ATP8A2: variants seen among roughly 807,000 people sequenced by gnomAD.
ATP8A2 encodes phospholipid-transporting ATPase IB.
In ATP8A2, 100 loss-of-function variants were observed where a neutral mutation model predicts 165.6. That is an observed-to-expected ratio of 0.60 (90% CI 0.51 to 0.71). The LOEUF (loss-of-function observed/expected upper bound fraction) is 0.71, where lower values mean the gene tolerates loss of function less well. Among genes scored for constraint, ATP8A2 ranks in the 30% least tolerant of loss-of-function variants. The pLI, the probability that ATP8A2 is intolerant of heterozygous loss-of-function variation, is 0.00. For synonymous variants in ATP8A2, 543 were observed against 548.8 expected (o/e 0.99, Z 0.15); for missense variants, 1,227 against 1,479.5 (o/e 0.83, Z 2.80).
chr13:25,831,508 C>T lies in ATP8A2; in HGVS notation c.2754+3316C>T, dbSNP rs115999005. On this transcript the variant is annotated intron_variant, in intron 28 of 36. Transcript: ENST00000381655. ...GATTACAGGCATGAGCCACCACACT[C>T]AGCCTCTCAAACTAATTTTCATAAC... 8.7e-3 allele frequency among the ~76,000 whole-genome samples: 1,327 copies of T among 152,270 alleles called. 16 individuals carry two copies. Among genetic ancestry groups the T allele is most frequent in the African/African-American group, 0.03 (1,248 of 41,564 alleles).
intron 24 of ATP8A2, among the ~76,000 whole-genome samples, chr13:25,598,087 T>C (rs1257004502): frequency 6.6e-6 from 1 of 152,170 alleles, no homozygotes; most frequent in East Asian, 1.9e-4. Context: ...TTATATCCCG[T>C]ATAGTTATCT....
intron 27 of ATP8A2, among the ~76,000 whole-genome samples, chr13:25,813,260 G>A (rs1370301097): frequency 6.6e-6 from 1 of 152,066 alleles, no homozygotes; most frequent in Non-Finnish European, 1.5e-5. Context: ...ACAGCTAAGA[G>A]TAGGAGAGCC....
intron 23 of ATP8A2, among the ~76,000 whole-genome samples, chr13:25,588,575 CT>C (rs752418184): frequency 2.4e-4 from 36 of 152,330 alleles, no homozygotes; most frequent in Non-Finnish European, 4.1e-4. Context: ...TGGCCAAGCC[CT>C]CCCTTGAGAT....
intron 27 of ATP8A2, among the ~76,000 whole-genome samples, chr13:25,812,461 T>C (rs1275380377): frequency 0.16 from 55 of 350 alleles, no homozygotes; most frequent in Non-Finnish European, 0.02. Flanking sequence ...TATGTATCAA[T>C]AGATTCTTAC....
intron 35 of ATP8A2, among the ~76,000 whole-genome samples, chr13:25,990,482 C>T (rs1956369146): frequency 6.6e-6 from 1 of 152,076 alleles, no homozygotes; most frequent in African/African-American, 2.4e-5. Flanking sequence ...ACGGGAAGAA[C>T]ATCCCAGGCC....
At chr13:25,541,065 A>G (rs2038461039) in intron 8 of ATP8A2, among the ~76,000 whole-genome samples, 1 of 151,954 alleles carries the variant, frequency 6.6e-6, no homozygotes, top group Admixed American at 6.6e-5. Flanking sequence ...GGGTTTCACC[A>G]TGTTGGCCAG....
At chr13:25,710,166 G>A (rs2043132250) in intron 25 of ATP8A2, among the ~76,000 whole-genome samples, 2 of 152,046 alleles carry the variant, frequency 1.3e-5, no homozygotes, top group Admixed American at 6.5e-5. Flanking sequence ...ACATATTTAT[G>A]GGATAAATGT....
intron 25 of ATP8A2, among the ~76,000 whole-genome samples, chr13:25,740,323 A>G (rs1392674031): frequency 1.3e-5 from 2 of 151,898 alleles, no homozygotes; most frequent in Non-Finnish European, 2.9e-5. Flanking sequence ...AAAAAAAAAA[A>G]AAAAAAGAGA....
chr13:25,887,245 T>A (rs1159078273), intron 33 of ATP8A2, among the ~76,000 whole-genome samples: 1 of 152,214 alleles, frequency 6.6e-6, no homozygotes, highest in East Asian at 1.9e-4. Flanking sequence ...ACACATGTGA[T>A]CTGTGCACTT....
chr13:25,924,434 A>G (rs970250026), intron 33 of ATP8A2, among the ~76,000 whole-genome samples: 1 of 152,168 alleles, frequency 6.6e-6, no homozygotes, highest in Non-Finnish European at 1.5e-5. Context: ...TTATAGAAGC[A>G]TCACCCTGAT....
chr13:25,898,118 T>G (rs922875870), intron 33 of ATP8A2, among the ~76,000 whole-genome samples: 1 of 152,204 alleles, frequency 6.6e-6, no homozygotes, highest in East Asian at 1.9e-4. Context: ...TTTTAGAGTT[T>G]CCAGTTTTTC....
rs1566360534 is a variant in ATP8A2, at chr13:26,021,292, A to T, written c.*1307A>T. 6.6e-6 allele frequency: 1 copy of T among 152,214 alleles called. No homozygotes were observed. The highest frequency in any genetic ancestry group is 1.5e-5 in the Non-Finnish European group (1 of 68,048). The allele number at this position is 152,214 out of a possible 1,614,324, so 9.4% of individuals were successfully genotyped here. A position where few individuals can be genotyped will look rare whatever the true frequency, so the allele number is the denominator to read the frequency against. ...TAGAAACTCTGAAATAGGCCTTGAG[A>T]CCCAGACAATTGTCATGATCAGCCC... On this transcript the variant is annotated 3_prime_UTR_variant, in exon 37 of 37. Transcript: ENST00000381655.
At chr13:25,930,030 G>A (rs547862064) in intron 33 of ATP8A2, among the ~76,000 whole-genome samples, 2 of 152,182 alleles carry the variant, frequency 1.3e-5, no homozygotes, top group East Asian at 1.9e-4. Context: ...GCTGCCCCAC[G>A]TGCCTTTGCT....
chr13:25,767,221 G>T (rs1290530772), intron 25 of ATP8A2, among the ~76,000 whole-genome samples: 1 of 152,188 alleles, frequency 6.6e-6, no homozygotes, highest in Non-Finnish European at 1.5e-5. Context: ...AACTAGGCGG[G>T]AATAGATACA....
chr13:25,769,415 T>C (rs1297432827), intron 26 of ATP8A2, among the ~76,000 whole-genome samples, 186 bp downstream of exon 26: 2 of 152,214 alleles, frequency 1.3e-5, no homozygotes, highest in African/African-American at 4.8e-5. Context: ...TTGGAGGCCC[T>C]GTCCTGCTGA....
chr13:25,586,723 A>G (rs1019480666), intron 23 of ATP8A2, among the ~76,000 whole-genome samples: 2 of 152,202 alleles, frequency 1.3e-5, no homozygotes, highest in African/African-American at 4.8e-5. Flanking sequence ...ATCTCAGGAT[A>G]TATGGTGTGG....
intron 16 of ATP8A2, among the ~76,000 whole-genome samples, chr13:25,570,266 C>T (rs1172704449): frequency 6.6e-6 from 1 of 152,050 alleles, no homozygotes; most frequent in Non-Finnish European, 1.5e-5. Context: ...TTTATGGGGC[C>T]TGAGGTACAG....
chr13:25,549,409 G>A (rs1226116766), intron 10 of ATP8A2, among the ~76,000 whole-genome samples: 2 of 149,438 alleles, frequency 1.3e-5, no homozygotes, highest in South Asian at 2.1e-4. Context: ...GCAGTGAGCC[G>A]AGATCGCACC....
intron 33 of ATP8A2, among the ~76,000 whole-genome samples, chr13:25,892,999 G>C (rs1229057639): frequency 6.6e-6 from 1 of 151,948 alleles, no homozygotes; most frequent in Non-Finnish European, 1.5e-5. Flanking sequence ...ATCAAATGTT[G>C]TTGTAGCGTA....
Sources: gnomAD v4.1 joint callset for allele counts (sites outside exome capture counted in the v4.1 genomes callset) on GRCh38, gnomAD v4.1.1 for gene constraint, MANE v1.5 for transcripts, NCBI Gene and HGNC (gene_info 2026-07-23, HGNC 2026-07-21) for gene names.